SELENON: variants seen among roughly 807,000 people sequenced by gnomAD.
The protein encoded by SELENON is selenoprotein N, 1.
In SELENON, 44 loss-of-function variants were observed where a neutral mutation model predicts 59.5. The ratio of observed to expected loss-of-function variants is 0.74; its 90% CI spans 0.58 to 0.95. The LOEUF is 0.95. SELENON is among the 40% of genes least tolerant of loss of function. The pLI is 0.00. For missense variants in SELENON, 674 were observed against 721.4 expected (o/e 0.93, Z 0.75); for synonymous variants, 320 against 305.6 (o/e 1.05, Z -0.49).
Position 25,801,993 on chromosome 1 carries a change from CTTTTTT to C in SELENON, c.302-13_302-8del. 1 of 224,886 alleles carries C rather than the reference CTTTTTT, an allele frequency of 4.4e-6. No individual in the cohort carries two copies. The highest frequency in any genetic ancestry group is 9.2e-6 in the Non-Finnish European group (1 of 108,918). The allele number at this position is 224,886 out of a possible 1,614,324, so 13.9% of individuals were successfully genotyped here. Reference sequence around the variant, plus strand: ...GATTTCCAATAGACAGCAGCTATAACTTTTTTTTTTTTTTTGAGACAGGGTCTTGTT... The same window carrying C: ...GATTTCCAATAGACAGCAGCTATAACTTTTTTTTTGAGACAGGGTCTTGTT... On this transcript the variant is annotated splice_polypyrimidine_tract_variant and intron_variant, in intron 2 of 12. Coordinates refer to ENST00000361547, the MANE Select transcript of SELENON (RefSeq NM_020451.3).
Position 25,800,287 on chromosome 1 carries a change from G to A in SELENON, c.57G>A (p.Gln19=). ...CGCCCAGCCCCGGCCCCGCCGCGCA[G>A]CCTCCCGCGCCACCGCGCCGCCGCG... The change falls in exon 1 of 13, where the codon CAG becomes CAA. Residue 19 remains glutamine, a synonymous_variant. Transcript: ENST00000361547. The A allele has an allele frequency of 9.1e-6, 9 of 988,112 alleles. No individual in the cohort carries two copies. The highest frequency in any genetic ancestry group is 1.1e-5 in the Non-Finnish European group (9 of 831,960). 61.2% of individuals were successfully genotyped at this position (988,112 alleles called of 1,614,324 possible).
chr1:25,805,238 C>T lies in SELENON; in HGVS notation c.500C>T (p.Pro167Leu), dbSNP rs747408056. 2.0e-5 allele frequency: 33 copies of T among 1,614,070 alleles called. No individual in the cohort carries two copies. Among genetic ancestry groups the T allele is most frequent in the Admixed American group, 1.7e-4 (10 of 60,010 alleles). Residue 167 changes from proline (P) to leucine (L), a missense_variant, in exon 4 of 13, where the codon CCG becomes CTG. Physicochemically the swap from Pro to Leu is moderately conservative, Grantham distance 98. Coordinates refer to ENST00000361547, the MANE Select transcript of SELENON (RefSeq NM_020451.3). ...GAAGCCCGATTCCAGCCTCTGCTCC[C>T]GGAGACCATGACCAAGAGCAAAGAT...
rs2047847135 is a variant in SELENON, at chr1:25,800,225, G to C, written c.-6G>C. On this transcript the variant is annotated 5_prime_UTR_variant, in exon 1 of 13. Transcript: ENST00000361547. ...GGGCCGCCGGCAGCCGCCGCCAGCC[G>C]CAGCCATGGGCCGGGCCCGGCCGGG... 2.9e-6 allele frequency: 2 copies of C among 689,828 alleles called. No individual in the cohort carries two copies. Among genetic ancestry groups the C allele is most frequent in the Non-Finnish European group, 1.8e-6 (1 of 563,098 alleles). The allele number at this position is 689,828 out of a possible 1,614,324, so 42.7% of individuals were successfully genotyped here.
Position 25,805,176 on chromosome 1 carries a change from G to A in SELENON, c.438G>A (p.Glu146=). Residue 146 remains glutamate, a synonymous_variant, in exon 4 of 13, where the codon GAG becomes GAA. Transcript: ENST00000361547. ...CCGCGGCCAGCTGCGAGGAGGAGGAGTTGCCCCCTGACCCTAGCGAGGAGA... is the reference window on the plus strand; with the variant it reads ...CCGCGGCCAGCTGCGAGGAGGAGGAATTGCCCCCTGACCCTAGCGAGGAGA... 2 of 1,614,040 alleles carry A rather than the reference G, an allele frequency of 1.2e-6. No homozygotes were observed. The highest frequency in any genetic ancestry group is 1.7e-6 in the Non-Finnish European group (2 of 1,180,028).
chr1:25,801,903 A>G, intron 2 of SELENON: 1 of 196,422 alleles, frequency 5.1e-6, no homozygotes, highest in Non-Finnish European at 1.1e-5. Context: ...ATCTGGCTTC[A>G]GGGTCCTGCA....
Position 25,812,015 on chromosome 1 carries a change from T to C in SELENON, c.1281+136T>C, listed in dbSNP as rs1027283672. 3 of 984,710 alleles carry C rather than the reference T, an allele frequency of 3.0e-6. No homozygotes were observed. In the African/African-American group the frequency reaches 4.8e-5, roughly 16 times the overall value. The allele number at this position is 984,710 out of a possible 1,614,324, so 61.0% of individuals were successfully genotyped here. On this transcript the variant is annotated intron_variant, in intron 9 of 12. Transcript: ENST00000361547. ...AGGCTGTCTCACTGTTGGGCCCAGC[T>C]GTGCCAGCGGGGCCTCCCCGCTGCC...
chr1:25,810,879 G>A (rs1029022214), intron 7 of SELENON, among the ~76,000 whole-genome samples: 9 of 152,192 alleles, frequency 5.9e-5, no homozygotes, highest in African/African-American at 2.2e-4. Flanking sequence ...GAGAGGCAGT[G>A]GCCAGCTCCA....
intron 6 of SELENON, among the ~76,000 whole-genome samples, chr1:25,809,421 G>T (rs1359400752): frequency 6.6e-6 from 1 of 152,258 alleles, no homozygotes; most frequent in Non-Finnish European, 1.5e-5. Flanking sequence ...CCACACAGAA[G>T]TGGGAAGGAC....
At chr1:25,804,279 T>C (rs532130293) in intron 3 of SELENON, among the ~76,000 whole-genome samples, 101 of 152,250 alleles carry the variant, frequency 6.6e-4, no homozygotes, top group Middle Eastern at 6.8e-3. Context: ...TGAGCATCTG[T>C]AGTTTAAAGG....
At chr1:25,814,319 C>G (rs569152507) in intron 12 of SELENON, 141 bp downstream of exon 11, 2 of 722,112 alleles carry the variant, frequency 2.8e-6, no homozygotes, top group African/African-American at 3.5e-5. Flanking sequence ...TCAAGCTGGT[C>G]TCTTACCCAG....
At chr1:25,814,045 G>A (rs2047988973) in intron 11 of SELENON, 32 bp from the exon 11 acceptor site, 14 of 1,610,336 alleles carry the variant, frequency 8.7e-6, no homozygotes, top group African/African-American at 1.3e-5. Flanking sequence ...GGTGGGGGCC[G>A]CGGCATCAGG....
At chr1:25,802,984 G>A (rs1443171519) in intron 3 of SELENON, among the ~76,000 whole-genome samples, 1 of 152,188 alleles carries the variant, frequency 6.6e-6, no homozygotes, top group Non-Finnish European at 1.5e-5. Flanking sequence ...GGTGTATTGT[G>A]TAGGTTGGTT....
intron 9 of SELENON, among the ~76,000 whole-genome samples, chr1:25,812,430 C>T (rs1462022864): frequency 6.6e-6 from 1 of 151,118 alleles, no homozygotes; most frequent in Non-Finnish European, 1.5e-5. Flanking sequence ...ACCCACTTCA[C>T]ACACATACAA....
rs1055296128 is a variant in SELENON at position 25,803,743 on chromosome 1, T to C, written c.404-1399T>C. Among the ~76,000 whole-genome samples the C allele has an allele frequency of 3.6e-4, 55 of 151,448 alleles. 1 individual carries two copies. Among genetic ancestry groups the C allele is most frequent in the Admixed American group, 3.3e-4 (5 of 15,196 alleles). ...TTTTTTTTTTGAGATGGAGTCTTGC[T>C]CTGTCACCCAGGCTGGAGTGCTCGG... is the stretch of plus-strand genomic sequence containing the variant. On this transcript the variant is annotated intron_variant, in intron 3 of 12. Transcript: ENST00000361547.
chr1:25,804,472 A>T (rs1308262847), intron 3 of SELENON, among the ~76,000 whole-genome samples: 1 of 147,558 alleles, frequency 6.8e-6, no homozygotes, highest in Non-Finnish European at 1.5e-5. Context: ...GGTGACTATT[A>T]CTCACCCCTT....
rs760604264 is a variant in SELENON, at chr1:25,809,136, C to G, written c.858C>G (p.Tyr286Ter). 6.2e-7 allele frequency: 1 copy of G among 1,613,798 alleles called. No individual in the cohort carries two copies. The stretch of plus-strand genomic sequence containing the variant: ...TGACTGCCATCAGCGACTTCTACTA[C>G]ACTGTGATGTTCCGGTGAGTGGGCC... Residue 286 changes from tyrosine to a stop codon, truncating the protein, a stop_gained, in exon 6 of 13, where the codon TAC (tyrosine) becomes TAG (stop). Transcript: ENST00000361547. LOFTEE classifies it high-confidence loss of function.
rs1216501701 is a variant in SELENON, at chr1:25,815,585, C to A, written c.1640C>A (p.Thr547Asn). The change falls in exon 13 of 13, where the codon ACC (threonine) becomes AAC (asparagine). Residue 547 changes from threonine to asparagine, a missense_variant. By Grantham distance (65) the Thr-to-Asn change is moderately conservative. Transcript: ENST00000361547. ...AATGCCAACTACTTCTTGGACATCA[C>A]CTCCGTGAAGCCCGAGGAAATCGAG... The A allele has an allele frequency of 6.2e-7, 1 of 1,614,212 alleles. No homozygotes were observed. Among genetic ancestry groups the A allele is most frequent in the Non-Finnish European group, 8.5e-7 (1 of 1,180,040 alleles).
chr1:25,812,812 C>A lies in SELENON; in HGVS notation c.1387+20C>A. Reference sequence around the variant, plus strand: ...GCTGAGGTGAGGGGCCCGGCTGGATCTAAGGGGAGCAGTGGGAAAGTCCAC... The same window carrying A: ...GCTGAGGTGAGGGGCCCGGCTGGATATAAGGGGAGCAGTGGGAAAGTCCAC... On this transcript the variant is annotated intron_variant, in intron 10 of 12. Transcript: ENST00000361547. 1 of 1,575,322 alleles carries A rather than the reference C, an allele frequency of 6.3e-7. No homozygotes were observed. Among genetic ancestry groups the A allele is most frequent in the Non-Finnish European group, 8.7e-7 (1 of 1,148,720 alleles).
chr1:25,801,405 G>C (rs1445917088), intron 2 of SELENON, among the ~76,000 whole-genome samples: 1 of 152,202 alleles, frequency 6.6e-6, no homozygotes, highest in African/African-American at 2.4e-5. Flanking sequence ...GGTAGCTCAC[G>C]CCTGTAATCC....
Sources: gnomAD v4.1 joint callset for allele counts (sites outside exome capture counted in the v4.1 genomes callset) on GRCh38, gnomAD v4.1.1 for gene constraint, MANE v1.5 for transcripts, NCBI Gene and HGNC (gene_info 2026-07-23, HGNC 2026-07-21) for gene names.